Variants in GRID2 observed in about 807,000 individuals in gnomAD.
GRID2 encodes glutamate receptor ionotropic, delta-2.
In GRID2, 33 loss-of-function variants were observed where a neutral mutation model predicts 114.8. The ratio of observed to expected loss-of-function variants is 0.29; its 90% CI spans 0.22 to 0.38. The LOEUF (loss-of-function observed/expected upper bound fraction) is 0.38, where lower values mean the gene tolerates loss of function less well. GRID2 is among the 10% of genes least tolerant of loss of function. GRID2 has a pLI of 1.00. For missense variants in GRID2, 1,184 were observed against 1,257.7 expected (o/e 0.94, Z 0.89); for synonymous variants, 505 against 449.9 (o/e 1.12, Z -1.55).
chr4:93,331,293 A>G (rs1758411144), intron 8 of GRID2, among the ~76,000 whole-genome samples: 2 of 150,304 alleles, frequency 1.3e-5, no homozygotes, highest in South Asian at 4.2e-4. Context: ...CTTGGGAGTT[A>G]TTCTCTCTGC....
At chr4:93,160,344 C>CA (rs1737576335) in intron 4 of GRID2, among the ~76,000 whole-genome samples, 1 of 151,448 alleles carries the variant, frequency 6.6e-6, no homozygotes, top group Admixed American at 6.6e-5. Context: ...ATGAAAAATA[C>CA]AAAAAATAAA....
chr4:92,879,840 C>A (rs570196362), intron 2 of GRID2, among the ~76,000 whole-genome samples: 1 of 152,158 alleles, frequency 6.6e-6, no homozygotes, highest in Admixed American at 6.5e-5. Context: ...CTCCTCATTA[C>A]GGAAAGTCAA....
At chr4:92,743,700 G>C (rs1316518191) in intron 2 of GRID2, among the ~76,000 whole-genome samples, 2 of 152,052 alleles carry the variant, frequency 1.3e-5, no homozygotes, top group Non-Finnish European at 1.5e-5. Context: ...ACAAATGGAG[G>C]GCTGCATTTT....
In GRID2 at chr4:93,024,498, G is replaced by A. The variant is rs189224513; in HGVS notation, c.245-60497G>A. Among the ~76,000 whole-genome samples, 27 of 151,786 alleles carry A rather than the reference G, an allele frequency of 1.8e-4. 2 individuals are homozygous for A. Among genetic ancestry groups the A allele is most frequent in the Admixed American group, 1.7e-3 (26 of 15,222 alleles). On this transcript the variant is annotated intron_variant, in intron 2 of 15. Coordinates refer to ENST00000282020, the MANE Select transcript of GRID2 (RefSeq NM_001510.4). ...TTAAGCAAATTTGCCTGTAAAATGT[G>A]TACAAATTTTAAAATCTTTATAGTT...
chr4:93,196,249 C>A (rs1371494314), intron 4 of GRID2, among the ~76,000 whole-genome samples: 1 of 152,008 alleles, frequency 6.6e-6, no homozygotes, highest in Non-Finnish European at 1.5e-5. Context: ...TTTAGAAACC[C>A]CAGAAAGCTC....
chr4:93,098,882 C>G (rs1731453436), intron 3 of GRID2, among the ~76,000 whole-genome samples: 1 of 151,768 alleles, frequency 6.6e-6, no homozygotes, highest in South Asian at 2.1e-4. Context: ...ACCATATCCT[C>G]ACCTCTACTT....
chr4:92,666,965 G>A (rs1278866038), intron 2 of GRID2, among the ~76,000 whole-genome samples: 2 of 151,302 alleles, frequency 1.3e-5, no homozygotes, highest in South Asian at 2.1e-4. Context: ...AGAACACACA[G>A]CCCCAATGTT....
At chr4:93,618,554 A>G (rs1230762388) in intron 13 of GRID2, among the ~76,000 whole-genome samples, 2 of 152,202 alleles carry the variant, frequency 1.3e-5, no homozygotes, top group Admixed American at 6.5e-5. Context: ...GACCCAAGGC[A>G]CAGGACTCCA....
At chr4:92,790,235 T>A (rs1158519485) in intron 2 of GRID2, among the ~76,000 whole-genome samples, 6 of 151,908 alleles carry the variant, frequency 3.9e-5, no homozygotes, top group African/African-American at 1.4e-4. Flanking sequence ...TTTACAAACC[T>A]ATCTGTCTAC....
chr4:93,255,521 T>C (rs1450370229), intron 8 of GRID2, among the ~76,000 whole-genome samples: 1 of 152,010 alleles, frequency 6.6e-6, no homozygotes, highest in Non-Finnish European at 1.5e-5. Flanking sequence ...ATCCTCAGGG[T>C]GGGGATGTGT....
intron 14 of GRID2, among the ~76,000 whole-genome samples, chr4:93,756,714 A>T (rs753010385): frequency 6.6e-6 from 1 of 152,164 alleles, no homozygotes; most frequent in South Asian, 2.1e-4. Flanking sequence ...CATCATATAA[A>T]CTTTGGAGGG....
chr4:92,349,677 T>A (rs1401972366), intron 1 of GRID2, among the ~76,000 whole-genome samples: 1 of 151,760 alleles, frequency 6.6e-6, no homozygotes, highest in Non-Finnish European at 1.5e-5. Context: ...AGATTTTAAT[T>A]AGGGAAATAT....
At chr4:92,457,321 T>A (rs977623813) in intron 1 of GRID2, among the ~76,000 whole-genome samples, 1 of 152,224 alleles carries the variant, frequency 6.6e-6, no homozygotes, top group East Asian at 1.9e-4. Context: ...TTTTCACATT[T>A]TCCATTGAAT....
chr4:92,883,873 A>G (rs1746189054), intron 2 of GRID2, among the ~76,000 whole-genome samples: 1 of 152,192 alleles, frequency 6.6e-6, no homozygotes, highest in South Asian at 2.1e-4. Context: ...GTATAAATTT[A>G]CTGGATCCAG....
chr4:92,382,647 A>G (rs1217464277), intron 1 of GRID2, among the ~76,000 whole-genome samples: 1 of 152,034 alleles, frequency 6.6e-6, no homozygotes, highest in Non-Finnish European at 1.5e-5. Flanking sequence ...AGGAATTGGA[A>G]TATGTATTCT....
intron 1 of GRID2, among the ~76,000 whole-genome samples, chr4:92,327,411 TA>T (rs1408217970): frequency 6.6e-6 from 1 of 151,930 alleles, no homozygotes; most frequent in Non-Finnish European, 1.5e-5. Flanking sequence ...AGTCCCAAGT[TA>T]AACAATTTCA....
At chr4:92,666,650 G>GTTTTTTTTTTTT (rs70942922) in intron 2 of GRID2, among the ~76,000 whole-genome samples, 1,151 of 68,448 alleles carry the variant, frequency 0.017, 85 homozygotes, top group Non-Finnish European at 0.021. Context: ...CTTAAGGGTT[G>GTTTTTTTTTTTT]TTTTTTTTTT....
intron 7 of GRID2, among the ~76,000 whole-genome samples, chr4:93,237,766 C>T (rs1014923078): frequency 6.6e-6 from 1 of 151,636 alleles, no homozygotes; most frequent in African/African-American, 2.4e-5. Context: ...CTTGGAATTC[C>T]CAGAGAATCT....
chr4:93,129,501 T>C (rs2149373267), intron 4 of GRID2, among the ~76,000 whole-genome samples: 1 of 152,222 alleles, frequency 6.6e-6, no homozygotes, highest in South Asian at 2.1e-4. Flanking sequence ...CTGCTCCAAA[T>C]GTGGCCTGGA....
Sources: allele counts gnomAD v4.1 joint callset (sites outside exome capture counted in the v4.1 genomes callset), GRCh38; gene constraint gnomAD v4.1.1; transcripts MANE v1.5; gene names NCBI Gene and HGNC (gene_info 2026-07-23, HGNC 2026-07-21).